PRKG1: variants seen among roughly 807,000 people sequenced by gnomAD.
PRKG1 encodes cGMP-dependent protein kinase 1.
PRKG1 carries 35 observed loss-of-function variants against 88.1 expected under a neutral mutation model. The observed-to-expected ratio is 0.40, with a 90% CI of 0.30 to 0.53. The LOEUF is 0.53. PRKG1 is among the 20% of genes least tolerant of loss of function. PRKG1 has a pLI of 0.59. For synonymous variants in PRKG1, 303 were observed against 292.5 expected (o/e 1.04, Z -0.37); for missense variants, 540 against 839.8 (o/e 0.64, Z 4.41).
intron 5 of PRKG1, among the ~76,000 whole-genome samples, chr10:52,000,137 C>T (rs1023537576): frequency 6.6e-6 from 1 of 151,872 alleles, no homozygotes; most frequent in Non-Finnish European, 1.5e-5. Context: ...TGCAGTTCCA[C>T]ATTTATGGGA....
At chr10:51,245,745 C>T (rs1839272328) in intron 2 of PRKG1, 1 of 151,980 alleles carries the variant, frequency 6.6e-6, no homozygotes, top group Admixed American at 6.6e-5. Flanking sequence ...TCTCATTGTG[C>T]TAAGAGAACA....
chr10:51,466,703 A>T (rs575866501), intron 2 of PRKG1, among the ~76,000 whole-genome samples: 1 of 152,166 alleles, frequency 6.6e-6, no homozygotes, highest in South Asian at 2.1e-4. Context: ...AGTGAATTTA[A>T]TGTCAATACT....
chr10:51,839,555 T>C (rs1392901555), intron 4 of PRKG1, among the ~76,000 whole-genome samples: 1 of 152,198 alleles, frequency 6.6e-6, no homozygotes, highest in Non-Finnish European at 1.5e-5. Flanking sequence ...AGACCACTTA[T>C]CTTTTGGGAA....
chr10:51,783,366 C>T (rs558847920), intron 3 of PRKG1, among the ~76,000 whole-genome samples: 32 of 152,136 alleles, frequency 2.1e-4, no homozygotes, highest in Middle Eastern at 6.8e-3. Context: ...GCAACTTCCA[C>T]CTTCTGGATT....
chr10:51,792,564 A>C (rs1227493838), intron 3 of PRKG1, among the ~76,000 whole-genome samples: 3 of 152,178 alleles, frequency 2.0e-5, no homozygotes, highest in Non-Finnish European at 4.4e-5. Flanking sequence ...GCAAGGAGAA[A>C]GACTGGGACA....
At chr10:51,418,521 T>C (rs763599050) in intron 2 of PRKG1, among the ~76,000 whole-genome samples, 1 of 152,166 alleles carries the variant, frequency 6.6e-6, no homozygotes, top group Non-Finnish European at 1.5e-5. Flanking sequence ...ACTACAGATA[T>C]ATCTAGTTCT....
At chr10:52,280,051 A>T (rs79287620) in intron 12 of PRKG1, among the ~76,000 whole-genome samples, 4,004 of 152,208 alleles carry the variant, frequency 0.026, 280 homozygotes, top group East Asian at 0.23. Flanking sequence ...TATATATGAG[A>T]CAGAGAGAGC....
At chr10:51,558,283 A>G (rs1183151668) in intron 3 of PRKG1, among the ~76,000 whole-genome samples, 2 of 152,118 alleles carry the variant, frequency 1.3e-5, no homozygotes, top group Non-Finnish European at 2.9e-5. Flanking sequence ...AGTTTTTACC[A>G]ATATATACTA....
intron 1 of PRKG1, among the ~76,000 whole-genome samples, chr10:51,022,234 C>T (rs1397359580): frequency 6.6e-6 from 1 of 152,106 alleles, no homozygotes; most frequent in Non-Finnish European, 1.5e-5. Flanking sequence ...CACTGAGCTA[C>T]CCATAGCCTC....
intron 4 of PRKG1, among the ~76,000 whole-genome samples, chr10:51,821,485 G>T (rs1471149730): frequency 1.3e-5 from 2 of 152,016 alleles, no homozygotes; most frequent in Non-Finnish European, 2.9e-5. Context: ...AAAGAGGTTT[G>T]TTCCAGATCC....
intron 7 of PRKG1, among the ~76,000 whole-genome samples, chr10:52,098,152 CT>C (rs1460098787): frequency 6.6e-6 from 1 of 152,102 alleles, no homozygotes; most frequent in South Asian, 2.1e-4. Flanking sequence ...CATTTAATAA[CT>C]GAAGCAATAA....
intron 3 of PRKG1, among the ~76,000 whole-genome samples, chr10:51,648,273 C>G (rs769876618): frequency 1.3e-5 from 2 of 152,142 alleles, no homozygotes; most frequent in African/African-American, 4.8e-5. Flanking sequence ...GCACATATCT[C>G]TATCTCCACC....
intron 2 of PRKG1, among the ~76,000 whole-genome samples, chr10:51,204,269 C>T (rs1216759591): frequency 3.9e-5 from 6 of 151,932 alleles, no homozygotes; most frequent in African/African-American, 1.2e-4. Flanking sequence ...TTTTACTCTT[C>T]GGTATTTCCT....
At chr10:51,879,514 C>G (rs1841384103) in intron 4 of PRKG1, among the ~76,000 whole-genome samples, 1 of 152,162 alleles carries the variant, frequency 6.6e-6, no homozygotes, top group South Asian at 2.1e-4. Context: ...TGTCTGCAGA[C>G]AAGGAAACTA....
intron 3 of PRKG1, among the ~76,000 whole-genome samples, chr10:51,678,396 T>G (rs1840764111): frequency 6.6e-6 from 1 of 152,182 alleles, no homozygotes; most frequent in Non-Finnish European, 1.5e-5. Flanking sequence ...TTGGGATTTT[T>G]TAAATAATAA....
intron 5 of PRKG1, among the ~76,000 whole-genome samples, chr10:51,918,864 C>T (rs757543572): frequency 2.8e-4 from 42 of 151,834 alleles, no homozygotes; most frequent in Non-Finnish European, 2.8e-4. Flanking sequence ...TTTCTTAATC[C>T]GAGACATATT....
At chr10:51,251,878 A>G (rs1839435982) in intron 2 of PRKG1, among the ~76,000 whole-genome samples, 1 of 151,830 alleles carries the variant, frequency 6.6e-6, no homozygotes. Context: ...AGTTCTCTCC[A>G]GTCCTGTTAT....
intron 3 of PRKG1, among the ~76,000 whole-genome samples, chr10:51,600,618 A>G (rs539561675): frequency 6.6e-6 from 1 of 152,264 alleles, no homozygotes; most frequent in South Asian, 2.1e-4. Flanking sequence ...TATCATTTCA[A>G]TCTGTAATAA....
At chr10:52,119,354 G>A (rs1847762539) in intron 7 of PRKG1, among the ~76,000 whole-genome samples, 1 of 152,070 alleles carries the variant, frequency 6.6e-6, no homozygotes, top group East Asian at 1.9e-4. Flanking sequence ...TTTTCTCAAG[G>A]TCATATACCA....
Sources: allele counts gnomAD v4.1 joint callset (sites outside exome capture counted in the v4.1 genomes callset), GRCh38; gene constraint gnomAD v4.1.1; transcripts MANE v1.5; gene names NCBI Gene and HGNC (gene_info 2026-07-23, HGNC 2026-07-21).